The following CSMD2 variants were observed in gnomAD, a reference collection of about 807,000 sequenced individuals.
CSMD2 encodes the protein CUB and Sushi multiple domains 2.
Under a neutral mutation model 398.5 loss-of-function variants are expected in CSMD2, and 130 were observed. That is an observed-to-expected ratio of 0.33 (90% CI 0.28 to 0.38). The LOEUF (loss-of-function observed/expected upper bound fraction) is 0.38, where lower values mean the gene tolerates loss of function less well. Ranked by LOEUF, CSMD2 falls within the 10% of genes least tolerant of loss-of-function variation. The pLI is 1.00. For synonymous variants in CSMD2, 1,828 were observed against 1,908.5 expected (o/e 0.96, Z 1.10); for missense variants, 3,829 against 4,764.9 (o/e 0.80, Z 5.78).
At chr1:34,119,284 G>A (rs1661924236) in intron 1 of CSMD2, among the ~76,000 whole-genome samples, 1 of 152,082 alleles carries the variant, frequency 6.6e-6, no homozygotes, top group Non-Finnish European at 1.5e-5. Flanking sequence ...AATGGAATAA[G>A]ATCTAAAAGC....
chr1:34,111,225 T>C (rs1661049015), intron 1 of CSMD2, among the ~76,000 whole-genome samples: 1 of 152,286 alleles, frequency 6.6e-6, no homozygotes, highest in Non-Finnish European at 1.5e-5. Context: ...TTTACAAAAG[T>C]ACAATTCATA....
chr1:34,164,856 G>A lies in CSMD2; in HGVS notation c.187+55C>T. Reference sequence around the variant, plus strand: ...GACCGGGTCGAGGATGGGTGGGCTCGGGGCTCGGGTGGGGCGCGCGGCGGC... The same window carrying A: ...GACCGGGTCGAGGATGGGTGGGCTCAGGGCTCGGGTGGGGCGCGCGGCGGC... On this transcript the variant is annotated intron_variant, in intron 1 of 70. Coordinates refer to ENST00000373381, the MANE Select transcript of CSMD2 (RefSeq NM_001281956.2). This position sits in a 1 kb window ranked among gnomAD's most constrained non-coding sequence, Gnocchi z 6.2. 1.6e-6 allele frequency: 2 copies of A among 1,212,406 alleles called. No individual in the cohort carries two copies. Among genetic ancestry groups the A allele is most frequent in the Non-Finnish European group, 2.1e-6 (2 of 974,798 alleles). 75.1% of individuals were successfully genotyped at this position (1,212,406 alleles called of 1,614,324 possible).
intron 24 of CSMD2, among the ~76,000 whole-genome samples, chr1:33,696,920 C>A (rs1174236463): frequency 6.6e-6 from 1 of 152,134 alleles, no homozygotes; most frequent in African/African-American, 2.4e-5. Context: ...CTATAGCAGT[C>A]ATTTGTGGTA....
At chr1:33,550,395 G>GCT in intron 55 of CSMD2, 45 bp from the exon 56 acceptor site, 3 of 1,574,824 alleles carry the variant, frequency 1.9e-6, no homozygotes, top group Non-Finnish European at 2.6e-6. Context: ...CACAGGGATG[G>GCT]CTCACCATCA....
At position 33,707,707 on chromosome 1, in the gene CSMD2, A is replaced by G. The variant is rs969104847; in HGVS notation, c.3576+1382T>C. ...CACGCGCGCGCGCGCACACACACAC[A>G]CACACACACACACACACACACACAC... On this transcript the variant is annotated intron_variant, in intron 22 of 70. Transcript: ENST00000373381. 3.0e-3 allele frequency among the ~76,000 whole-genome samples: 385 copies of G among 128,822 alleles called. 2 individuals are homozygous for G. Among genetic ancestry groups the G allele is most frequent in the African/African-American group, 0.013 (302 of 23,632 alleles). 84.5% of individuals were successfully genotyped at this position (128,822 alleles called of 152,430 possible).
chr1:33,960,208 C>T (rs1013344280), intron 3 of CSMD2, among the ~76,000 whole-genome samples: 1 of 152,164 alleles, frequency 6.6e-6, no homozygotes, highest in Non-Finnish European at 1.5e-5. Flanking sequence ...TCAGGTGGAC[C>T]TCCTGGGAAT....
At chr1:33,848,295 C>T (rs1410733328) in intron 5 of CSMD2, among the ~76,000 whole-genome samples, 2 of 152,188 alleles carry the variant, frequency 1.3e-5, no homozygotes, top group Non-Finnish European at 2.9e-5. Context: ...TGTAAGAAGA[C>T]ACCATATAGG....
At chr1:33,756,483 C>T (rs542817922) in intron 13 of CSMD2, among the ~76,000 whole-genome samples, 1 of 152,272 alleles carries the variant, frequency 6.6e-6, no homozygotes, top group South Asian at 2.1e-4. Context: ...GCAGGAATGG[C>T]CTGTCTGAGG....
At chr1:34,104,545 G>T (rs941102290) in intron 1 of CSMD2, among the ~76,000 whole-genome samples, 2 of 152,176 alleles carry the variant, frequency 1.3e-5, no homozygotes, top group African/African-American at 4.8e-5. Context: ...GTGCAATCTG[G>T]ACTGGGGATA....
At chr1:34,049,849 TTGGAGG>T (rs1441426060) in intron 2 of CSMD2, among the ~76,000 whole-genome samples, 5 of 152,122 alleles carry the variant, frequency 3.3e-5, no homozygotes, top group African/African-American at 1.2e-4. Context: ...GAATTGGTAT[TTGGAGG>T]TGGGATCTTC....
intron 46 of CSMD2, among the ~76,000 whole-genome samples, chr1:33,584,314 G>T (rs1638924973): frequency 6.6e-6 from 1 of 152,186 alleles, no homozygotes; most frequent in African/African-American, 2.4e-5. Context: ...CTCTCTGTGT[G>T]ATGGCTTCTC....
At chr1:34,112,962 C>G (rs1661235203) in intron 1 of CSMD2, 1 of 152,216 alleles carries the variant, frequency 6.6e-6, no homozygotes, top group African/African-American at 2.4e-5. Flanking sequence ...TACGGCCATA[C>G]CACCCTGAAC....
At chr1:33,843,145 CCTT>C (rs1359003186) in intron 6 of CSMD2, among the ~76,000 whole-genome samples, 2 of 152,174 alleles carry the variant, frequency 1.3e-5, no homozygotes, top group African/African-American at 4.8e-5. Context: ...AACCTGTTCT[CCTT>C]AAGAGCAGAG....
At chr1:33,719,487 A>G (rs1262794682) in intron 19 of CSMD2, among the ~76,000 whole-genome samples, 1 of 152,202 alleles carries the variant, frequency 6.6e-6, no homozygotes, top group East Asian at 1.9e-4. Flanking sequence ...ATTGTGTGAA[A>G]ATGAAGACAT....
chr1:33,802,128 T>A (rs1199637266), intron 10 of CSMD2, among the ~76,000 whole-genome samples: 1 of 152,186 alleles, frequency 6.6e-6, no homozygotes. Context: ...ATTAATATTA[T>A]AAGGACTGAG....
chr1:33,915,487 G>A (rs955337409), intron 5 of CSMD2, among the ~76,000 whole-genome samples: 2 of 152,214 alleles, frequency 1.3e-5, no homozygotes, highest in African/African-American at 4.8e-5. Flanking sequence ...ATAGCAAAGA[G>A]TTCTGAGTGA....
At chr1:33,786,049 C>T (rs923956836) in intron 12 of CSMD2, among the ~76,000 whole-genome samples, 1 of 152,210 alleles carries the variant, frequency 6.6e-6, no homozygotes, top group Admixed American at 6.5e-5. Flanking sequence ...GGATAAAGCA[C>T]AACTAACTTC....
chr1:33,979,897 A>G (rs965580881), intron 3 of CSMD2, among the ~76,000 whole-genome samples: 18 of 152,228 alleles, frequency 1.2e-4, no homozygotes, highest in Non-Finnish European at 2.6e-4. Flanking sequence ...AATGCCAGGC[A>G]TCTAGCCAGT....
Position 33,863,505 on chromosome 1 carries a change from T to C in CSMD2, c.921-16509A>G, listed in dbSNP as rs183538587. On this transcript the variant is annotated intron_variant, in intron 5 of 70. Transcript: ENST00000373381. Reference sequence around the variant, plus strand: ...CTTCAGAGAAATGAAGAGTTCCAACTCATAGCCCAAGTGCTCAGGTTTTAA... The same window carrying C: ...CTTCAGAGAAATGAAGAGTTCCAACCCATAGCCCAAGTGCTCAGGTTTTAA... 28 of 152,326 alleles carry C rather than the reference T, an allele frequency of 1.8e-4. No individual in the cohort carries two copies. In the Middle Eastern group the frequency reaches 0.014, roughly 75 times the overall value. 9.4% of individuals were successfully genotyped at this position (152,326 alleles called of 1,614,324 possible).
Sources: gnomAD v4.1 joint callset for allele counts (sites outside exome capture counted in the v4.1 genomes callset) on GRCh38, gnomAD v4.1.1 for gene constraint, Gnocchi (gnomAD v3.1) non-coding constraint, MANE v1.5 for transcripts, NCBI Gene and HGNC (gene_info 2026-07-23, HGNC 2026-07-21) for gene names.